Variants in LINGO2 observed in about 807,000 individuals in gnomAD.
LINGO2 encodes the protein leucine rich repeat and Ig domain containing 2, also known as leucine-rich repeat and immunoglobulin-like domain-containing nogo receptor-interacting protein 2.
Under a neutral mutation model 30.6 loss-of-function variants are expected in LINGO2, and 14 were observed. The observed-to-expected ratio is 0.46, with a 90% CI of 0.30 to 0.72. The LOEUF (loss-of-function observed/expected upper bound fraction) is 0.72. Among genes scored for constraint, LINGO2 ranks in the 30% least tolerant of loss-of-function variants. LINGO2 has a pLI of 0.07. For synonymous variants in LINGO2, 317 were observed against 288.5 expected (o/e 1.10, Z -1.00); for missense variants, 729 against 751.7 (o/e 0.97, Z 0.35).
At chr9:28,669,427 A>G (rs991056533) in intron 1 of LINGO2, among the ~76,000 whole-genome samples, 3 of 152,130 alleles carry the variant, frequency 2.0e-5, no homozygotes, top group Non-Finnish European at 4.4e-5. Context: ...CTTAACAGTT[A>G]TGAGCTAAAC....
intron 1 of LINGO2, among the ~76,000 whole-genome samples, chr9:28,657,969 A>AT (rs1259538418): frequency 1.3e-5 from 2 of 151,642 alleles, no homozygotes; most frequent in African/African-American, 4.8e-5. Flanking sequence ...CTCTTGAGAT[A>AT]TTTTTTCCAA....
intron 1 of LINGO2, among the ~76,000 whole-genome samples, chr9:28,479,248 A>G (rs1183711674): frequency 3.9e-5 from 6 of 151,970 alleles, no homozygotes; most frequent in African/African-American, 1.4e-4. Flanking sequence ...ATGATATTAA[A>G]TTCAGTTATG....
the LINGO2 span, among the ~76,000 whole-genome samples, chr9:28,785,682 ACACG>A: frequency 0.16 from 14,545 of 89,672 alleles, 934 homozygotes; most frequent in East Asian, 0.53. Flanking sequence ...AAACACACAC[ACACG>A]CACACACACA....
the LINGO2 span, among the ~76,000 whole-genome samples, chr9:29,026,845 A>T: frequency 6.6e-6 from 1 of 152,180 alleles, no homozygotes; most frequent in African/African-American, 2.4e-5. Flanking sequence ...CTATGAGCTA[A>T]ATTCCTCATT....
intron 4 of LINGO2, among the ~76,000 whole-genome samples, chr9:28,191,334 T>G (rs112569950): frequency 2.6e-5 from 4 of 152,224 alleles, no homozygotes; most frequent in African/African-American, 7.2e-5. Context: ...CTATAGTTCA[T>G]AGAGGTAAAG....
At chr9:28,887,951 A>C in the LINGO2 span, among the ~76,000 whole-genome samples, 1 of 152,154 alleles carries the variant, frequency 6.6e-6, no homozygotes, top group East Asian at 1.9e-4. Context: ...AAATGAAGGT[A>C]AGATTTGTAT....
chr9:28,410,158 A>G (rs1330183120), intron 2 of LINGO2, among the ~76,000 whole-genome samples: 2 of 151,292 alleles, frequency 1.3e-5, no homozygotes, highest in South Asian at 2.1e-4. Context: ...GGAAAAAGTA[A>G]CAGAGAAAGA....
chr9:28,853,529 G>A, the LINGO2 span, among the ~76,000 whole-genome samples: 1 of 151,924 alleles, frequency 6.6e-6, no homozygotes, highest in African/African-American at 2.4e-5. Context: ...GCCTCCTAAC[G>A]TAGTAGTTCA....
chr9:27,948,553 C>T (rs747213202), exon 6 of LINGO2: 12 of 296,650 alleles, frequency 4.0e-5, no homozygotes, highest in Non-Finnish European at 5.5e-5. Flanking sequence ...GTAGAAAATG[C>T]TGAATAATTG....
At chr9:28,269,260 A>T (rs1217299814) in intron 4 of LINGO2, among the ~76,000 whole-genome samples, 1 of 152,130 alleles carries the variant, frequency 6.6e-6, no homozygotes, top group Non-Finnish European at 1.5e-5. Context: ...GGACTGAGAT[A>T]TGGATTGATT....
At chr9:29,189,265 C>CG in the LINGO2 span, among the ~76,000 whole-genome samples, 4 of 144,058 alleles carry the variant, frequency 2.8e-5, no homozygotes, top group Non-Finnish European at 4.5e-5. Flanking sequence ...GCTGGCCTGG[C>CG]GGGGGGCTGA....
At chr9:28,013,385 A>G (rs1822655841) in intron 4 of LINGO2, among the ~76,000 whole-genome samples, 1 of 152,214 alleles carries the variant, frequency 6.6e-6, no homozygotes, top group African/African-American at 2.4e-5. Flanking sequence ...CCAAGGTAAA[A>G]GGAATCTGCT....
chr9:28,367,488 T>A (rs1348825422), intron 3 of LINGO2, among the ~76,000 whole-genome samples: 2 of 152,116 alleles, frequency 1.3e-5, no homozygotes, highest in Non-Finnish European at 2.9e-5. Flanking sequence ...TATCTCCTTC[T>A]TATATTCATG....
the LINGO2 span, among the ~76,000 whole-genome samples, chr9:28,888,591 C>T: frequency 6.6e-6 from 1 of 152,088 alleles, no homozygotes; most frequent in Admixed American, 6.6e-5. Context: ...CCATTCATTT[C>T]ATTGAATAAT....
At chr9:28,444,267 G>T (rs1197203954) in intron 2 of LINGO2, among the ~76,000 whole-genome samples, 1 of 152,210 alleles carries the variant, frequency 6.6e-6, no homozygotes, top group East Asian at 1.9e-4. Context: ...GACTGTGGGA[G>T]TGAAGAGTGG....
the LINGO2 span, among the ~76,000 whole-genome samples, chr9:28,785,834 A>C: frequency 1.3e-5 from 2 of 152,342 alleles, no homozygotes; most frequent in East Asian, 3.9e-4. Flanking sequence ...CAAAGGAACA[A>C]AAGGGACTTA....
intron 1 of LINGO2, among the ~76,000 whole-genome samples, chr9:28,623,497 A>G (rs1259188855): frequency 6.6e-6 from 1 of 151,532 alleles, no homozygotes; most frequent in African/African-American, 2.4e-5. Flanking sequence ...ATACGAGTTC[A>G]CTTTAGGTGT....
intron 4 of LINGO2, among the ~76,000 whole-genome samples, chr9:28,277,961 C>A (rs1002182904): frequency 6.6e-6 from 1 of 151,576 alleles, no homozygotes; most frequent in African/African-American, 2.4e-5. Context: ...GTTGTGAATG[C>A]AAATGAAAGT....
chr9:28,684,481 G>A, the LINGO2 span, among the ~76,000 whole-genome samples: 11 of 144,944 alleles, frequency 7.6e-5, no homozygotes, highest in African/African-American at 2.3e-4. Context: ...GAGCCACCGC[G>A]CCCAGCCTTT....
Sources: gnomAD v4.1 joint callset for allele counts (sites outside exome capture counted in the v4.1 genomes callset) on GRCh38, gnomAD v4.1.1 for gene constraint, MANE v1.5 for transcripts, NCBI Gene and HGNC (gene_info 2026-07-23, HGNC 2026-07-21) for gene names.